Variants in DTNB observed in about 807,000 individuals in gnomAD.
DTNB encodes the protein dystrobrevin beta.
Under a neutral mutation model 90.7 loss-of-function variants are expected in DTNB, and 63 were observed. That is an observed-to-expected ratio of 0.69 (90% CI 0.57 to 0.86). The LOEUF (loss-of-function observed/expected upper bound fraction) is 0.86. DTNB is among the 40% of genes least tolerant of loss of function. The pLI, the probability that DTNB is intolerant of heterozygous loss-of-function variation, is 0.00. For synonymous variants in DTNB, 277 were observed against 286.7 expected (o/e 0.97, Z 0.34); for missense variants, 744 against 807.1 (o/e 0.92, Z 0.95).
At chr2:25,457,372 C>T (rs1053956643) in intron 10 of DTNB, among the ~76,000 whole-genome samples, 1 of 152,060 alleles carries the variant, frequency 6.6e-6, no homozygotes, top group African/African-American at 2.4e-5. Flanking sequence ...TCTAAGGATC[C>T]CTCGTTCCGT....
At chr2:25,504,270 C>G (rs1035575376) in intron 9 of DTNB, among the ~76,000 whole-genome samples, 1 of 136,978 alleles carries the variant, frequency 7.3e-6, no homozygotes, top group African/African-American at 2.7e-5. Context: ...GAAGGACGGA[C>G]GGATGGACAG....
At chr2:25,508,036 T>A (rs1276792251) in intron 9 of DTNB, among the ~76,000 whole-genome samples, 1 of 152,068 alleles carries the variant, frequency 6.6e-6, no homozygotes, top group Non-Finnish European at 1.5e-5. Flanking sequence ...AAGCAATTAT[T>A]AAAAATGGCA....
At chr2:25,581,812 T>C (rs770941580) in intron 6 of DTNB, among the ~76,000 whole-genome samples, 34 of 152,226 alleles carry the variant, frequency 2.2e-4, no homozygotes, top group African/African-American at 6.3e-4. Flanking sequence ...AGTTCCGTGA[T>C]TGTAACCTGG....
chr2:25,382,776 G>A (rs879332569), intron 19 of DTNB, among the ~76,000 whole-genome samples: 2 of 151,996 alleles, frequency 1.3e-5, no homozygotes, highest in Non-Finnish European at 2.9e-5. Flanking sequence ...TGATCCGCCC[G>A]CCTCGGCCTT....
At chr2:25,391,794 G>A (rs968045524) in intron 16 of DTNB, among the ~76,000 whole-genome samples, 6 of 152,112 alleles carry the variant, frequency 3.9e-5, no homozygotes, top group African/African-American at 1.4e-4. Context: ...CAAATACATG[G>A]AAATTAAATA....
At chr2:25,572,421 C>T (rs1338517298) in intron 8 of DTNB, among the ~76,000 whole-genome samples, 2 of 150,828 alleles carry the variant, frequency 1.3e-5, no homozygotes, top group Admixed American at 6.6e-5. Flanking sequence ...TAGCCGAGAT[C>T]GCGCCACTGC....
rs147213239 is a variant in DTNB at position 25,561,249 on chromosome 2, C to G, written c.876+15589G>C. Among the ~76,000 whole-genome samples the G allele has an allele frequency of 3.3e-3, 497 of 152,272 alleles. 1 individual carries two copies. The highest frequency in any genetic ancestry group is 0.011 in the African/African-American group (467 of 41,538). On this transcript the variant is annotated intron_variant, in intron 8 of 20. Coordinates refer to ENST00000406818, the MANE Select transcript of DTNB (RefSeq NM_021907.5). ...TTTTCTTTGCACACACTCAACACCCCCCTCCTTGCCACTTCTCTTCCTTCG... is the reference window on the plus strand; with the variant it reads ...TTTTCTTTGCACACACTCAACACCCGCCTCCTTGCCACTTCTCTTCCTTCG...
intron 8 of DTNB, among the ~76,000 whole-genome samples, chr2:25,553,732 ACTC>A (rs2056791497): frequency 1.5e-5 from 2 of 136,610 alleles, no homozygotes; most frequent in Non-Finnish European, 3.1e-5. Context: ...AAGAGCGAAA[ACTC>A]CTTCTCAAAA....
At chr2:25,418,174 G>A (rs900002521) in intron 16 of DTNB, among the ~76,000 whole-genome samples, 4 of 152,120 alleles carry the variant, frequency 2.6e-5, no homozygotes, top group African/African-American at 4.8e-5. Flanking sequence ...TTGGTTCCAC[G>A]AAAGCCATCA....
chr2:25,467,961 G>C (rs1029640518), intron 10 of DTNB, among the ~76,000 whole-genome samples: 1 of 152,002 alleles, frequency 6.6e-6, no homozygotes, highest in African/African-American at 2.4e-5. Flanking sequence ...ACAAGGGCAG[G>C]AGTTGGCACA....
chr2:25,537,096 G>A (rs964378012), intron 8 of DTNB, among the ~76,000 whole-genome samples: 2 of 152,156 alleles, frequency 1.3e-5, no homozygotes, highest in Admixed American at 6.5e-5. Flanking sequence ...TGCTTCTGAG[G>A]GGTAGGATCT....
intron 9 of DTNB, among the ~76,000 whole-genome samples, chr2:25,507,092 CAT>C (rs1447349443): frequency 6.6e-6 from 1 of 152,200 alleles, no homozygotes; most frequent in African/African-American, 2.4e-5. Flanking sequence ...TTGATCCTTA[CAT>C]GTTTTCTCTT....
At chr2:25,577,807 C>T (rs760706910) in intron 7 of DTNB, among the ~76,000 whole-genome samples, 1 of 152,090 alleles carries the variant, frequency 6.6e-6, no homozygotes, top group Non-Finnish European at 1.5e-5. Flanking sequence ...TCGAGACCAG[C>T]CTGACCAACA....
chr2:25,404,448 G>A (rs756907241), intron 16 of DTNB, among the ~76,000 whole-genome samples: 14 of 152,148 alleles, frequency 9.2e-5, no homozygotes, highest in South Asian at 2.1e-4. Context: ...GGGGTGAGAC[G>A]GGGCGGTGAA....
intron 10 of DTNB, among the ~76,000 whole-genome samples, chr2:25,478,778 G>A (rs193047265): frequency 2.6e-5 from 4 of 152,270 alleles, no homozygotes; most frequent in African/African-American, 7.2e-5. Flanking sequence ...GGACAGCAAC[G>A]CAATCCAGGA....
chr2:25,650,084 T>C (rs911091493), intron 2 of DTNB: 4 of 985,348 alleles, frequency 4.1e-6, no homozygotes, highest in Admixed American at 6.1e-5. Context: ...ATGAGGTTTC[T>C]GTGTAAGAGT....
chr2:25,557,828 T>C (rs1021338457), intron 8 of DTNB, among the ~76,000 whole-genome samples: 11 of 152,204 alleles, frequency 7.2e-5, no homozygotes, highest in Admixed American at 5.9e-4. Context: ...GATGATGTAA[T>C]TATCTACTTG....
chr2:25,473,812 C>T (rs181852741), intron 10 of DTNB, among the ~76,000 whole-genome samples: 5 of 152,326 alleles, frequency 3.3e-5, no homozygotes. Flanking sequence ...GCCCCACCCA[C>T]ATCCAAAATT....
chr2:25,526,508 G>T (rs994430411), intron 9 of DTNB, among the ~76,000 whole-genome samples: 2 of 150,628 alleles, frequency 1.3e-5, no homozygotes, highest in South Asian at 4.2e-4. Context: ...TGAGTCTTCT[G>T]CCTCAGCCTC....
Sources: gnomAD v4.1 joint callset for allele counts (sites outside exome capture counted in the v4.1 genomes callset) on GRCh38, gnomAD v4.1.1 for gene constraint, MANE v1.5 for transcripts, NCBI Gene and HGNC (gene_info 2026-07-23, HGNC 2026-07-21) for gene names.